The following WWOX variants were observed in gnomAD, a reference collection of about 807,000 sequenced individuals.
WWOX encodes the protein WW domain containing oxidoreductase, also known as WW domain-containing oxidoreductase.
A neutral mutation model predicts 46.2 loss-of-function variants in WWOX; 69 were observed. The observed-to-expected ratio is 1.49, with a 90% CI of 1.23 to 1.82. The LOEUF is 1.82. WWOX is among the 40% of genes most tolerant of loss of function. The pLI is 0.00. For synonymous variants in WWOX, 359 were observed against 202.6 expected, an observed-to-expected ratio of 1.77 and a Z score of -6.56; for missense variants, 919 against 542.6, an observed-to-expected ratio of 1.69 and a Z score of -6.89.
chr16:78,146,096 A>T (rs2034188242), intron 4 of WWOX, among the ~76,000 whole-genome samples: 1 of 152,194 alleles, frequency 6.6e-6, no homozygotes, highest in Non-Finnish European at 1.5e-5. Flanking sequence ...GCTTAGGGGC[A>T]GCTTTGAGCC....
intron 4 of WWOX, among the ~76,000 whole-genome samples, chr16:78,155,988 G>A (rs775277841): frequency 2.0e-5 from 3 of 152,116 alleles, no homozygotes; most frequent in Non-Finnish European, 4.4e-5. Flanking sequence ...AAATAGCCAC[G>A]CTTTGTTTCT....
intron 5 of WWOX, among the ~76,000 whole-genome samples, chr16:78,345,458 C>CAAAAAAAAAAAAAAAAAAAAAAAAAAA (rs71137889): frequency 4.5e-4 from 12 of 26,774 alleles, no homozygotes; most frequent in Non-Finnish European, 5.3e-4. Flanking sequence ...CCATCGCTAC[C>CAAAAAAAAAAAAAAAAAAAAAAAAAAA]AAAAAAAAAA....
At chr16:78,144,437 A>ATATATACG (rs1567596161) in intron 4 of WWOX, among the ~76,000 whole-genome samples, 1 of 19,622 alleles carries the variant, frequency 5.1e-5, no homozygotes, top group African/African-American at 3.4e-4. Context: ...TACTATATAT[A>ATATATACG]TATATATATA....
At chr16:79,013,490 C>G (rs1313333083) in intron 8 of WWOX, among the ~76,000 whole-genome samples, 2 of 152,134 alleles carry the variant, frequency 1.3e-5, no homozygotes, top group African/African-American at 2.4e-5. Context: ...AAACGCATGT[C>G]CCCCCATGAA....
chr16:78,621,489 A>G (rs751696793), intron 8 of WWOX, among the ~76,000 whole-genome samples: 5 of 151,064 alleles, frequency 3.3e-5, no homozygotes, highest in Non-Finnish European at 7.4e-5. Context: ...CTACTTAGAT[A>G]CACATTTCCA....
intron 6 of WWOX, among the ~76,000 whole-genome samples, chr16:78,424,101 TCTTTTC>T (rs577682178): frequency 0.045 from 6,489 of 143,044 alleles, 184 homozygotes; most frequent in South Asian, 0.14. Flanking sequence ...TCTTTTCTTT[TCTTTTC>T]TTTTTTTTTT....
At chr16:79,013,852 C>T (rs545045964) in intron 8 of WWOX, among the ~76,000 whole-genome samples, 1 of 152,178 alleles carries the variant, frequency 6.6e-6, no homozygotes, top group African/African-American at 2.4e-5. Flanking sequence ...TTCATTCTCG[C>T]TCTGCCGCCC....
At chr16:78,563,629 G>A (rs1414459612) in intron 8 of WWOX, among the ~76,000 whole-genome samples, 2 of 149,102 alleles carry the variant, frequency 1.3e-5, no homozygotes, top group Non-Finnish European at 3.0e-5. Context: ...TGCTGCCTTT[G>A]TGTTGAATAA....
chr16:78,375,442 C>T (rs1597124442), intron 5 of WWOX, among the ~76,000 whole-genome samples: 1 of 152,336 alleles, frequency 6.6e-6, no homozygotes, highest in African/African-American at 2.4e-5. Flanking sequence ...AACAGTCAAT[C>T]ATTCATTTTC....
intron 4 of WWOX, among the ~76,000 whole-genome samples, chr16:78,144,448 C>CGTATATATATATATATATATATATAT (rs71380475): frequency 1.1e-4 from 2 of 17,590 alleles, no homozygotes; most frequent in Non-Finnish European, 2.4e-4. Flanking sequence ...TATATATATA[C>CGTATATATATATATATATATATATAT]ACATATATAT....
At chr16:78,752,061 A>G (rs780617753) in intron 8 of WWOX, among the ~76,000 whole-genome samples, 1 of 152,230 alleles carries the variant, frequency 6.6e-6, no homozygotes, top group Admixed American at 6.5e-5. Flanking sequence ...AGAAGTGAAC[A>G]TAAATTCTAA....
At chr16:78,334,969 T>C (rs992745843) in intron 5 of WWOX, among the ~76,000 whole-genome samples, 2 of 151,034 alleles carry the variant, frequency 1.3e-5, no homozygotes, top group South Asian at 2.1e-4. Context: ...GCGTTTATTA[T>C]GAGATACACG....
chr16:79,019,157 C>CAAAAAAAAAAAAAAAAAAAAAAA (rs903333994), intron 8 of WWOX, among the ~76,000 whole-genome samples: 1 of 24,570 alleles, frequency 4.1e-5, no homozygotes, highest in Non-Finnish European at 6.8e-5. Context: ...GACCTTGTCT[C>CAAAAAAAAAAAAAAAAAAAAAAA]AAAAAAAAAA....
intron 8 of WWOX, among the ~76,000 whole-genome samples, chr16:78,769,491 G>A (rs2050010302): frequency 6.6e-6 from 1 of 151,272 alleles, no homozygotes; most frequent in Admixed American, 6.6e-5. Flanking sequence ...AGATAAAATG[G>A]GTAATTAACA....
chr16:78,621,592 C>CTTTTCTTT (rs2046184654), intron 8 of WWOX, among the ~76,000 whole-genome samples: 1 of 31,514 alleles, frequency 3.2e-5, no homozygotes, highest in Non-Finnish European at 5.9e-5. Context: ...TTGTTCTAAT[C>CTTTTCTTT]TTTTTTTTTT....
chr16:78,500,449 C>A (rs1233396651), intron 8 of WWOX, among the ~76,000 whole-genome samples: 1 of 150,692 alleles, frequency 6.6e-6, no homozygotes, highest in Admixed American at 6.6e-5. Context: ...CTTTGTTCCG[C>A]TTTTGTTTGT....
intron 8 of WWOX, among the ~76,000 whole-genome samples, chr16:78,811,865 C>G (rs2051198601): frequency 6.6e-6 from 1 of 152,168 alleles, no homozygotes; most frequent in Non-Finnish European, 1.5e-5. Context: ...GTTACTTAAG[C>G]TTGGTAAGCC....
At chr16:79,171,063 A>T (rs77131863) in intron 8 of WWOX, among the ~76,000 whole-genome samples, 2 of 152,210 alleles carry the variant, frequency 1.3e-5, no homozygotes, top group Non-Finnish European at 2.9e-5. Flanking sequence ...AAGAGGAACT[A>T]TGTTTATTCA....
chr16:78,395,951 C>T (rs1597159723), intron 6 of WWOX, among the ~76,000 whole-genome samples: 2 of 152,140 alleles, frequency 1.3e-5, no homozygotes, highest in South Asian at 4.1e-4. Flanking sequence ...TAAAAGCAGC[C>T]TGCTCTGGAT....
Sources: allele counts gnomAD v4.1 joint callset (sites outside exome capture counted in the v4.1 genomes callset), GRCh38; gene constraint gnomAD v4.1.1; transcripts MANE v1.5; gene names NCBI Gene and HGNC (gene_info 2026-07-23, HGNC 2026-07-21).